TEX48: variants seen among roughly 807,000 people sequenced by gnomAD.
The protein encoded by TEX48 is testis-expressed protein 48.
Under a neutral mutation model 13.2 loss-of-function variants are expected in TEX48, and 10 were observed. That is an observed-to-expected ratio of 0.75 (90% confidence interval 0.47 to 1.28). The LOEUF is 1.28. Among genes scored for constraint, TEX48 ranks in the 50% most tolerant of loss-of-function variants. TEX48 has a pLI of 0.00. For synonymous variants in TEX48, 45 were observed against 52.3 expected (o/e 0.86, Z 0.60); for missense variants, 116 against 139.4 (o/e 0.83, Z 0.84).
chr9:114,678,714 GCACTTGCACT>G (rs11280092), intron 1 of TEX48, among the ~76,000 whole-genome samples: 8,783 of 151,880 alleles, frequency 0.058, 467 homozygotes, highest in East Asian at 0.2. Context: ...ATGGTGGTGT[GCACTTGCACT>G]TCCAGTTACT....
intron 1 of TEX48, among the ~76,000 whole-genome samples, chr9:114,678,838 C>CAAAAAAAAA (rs34355690): frequency 1.4e-5 from 1 of 70,776 alleles, no homozygotes. Flanking sequence ...GATCCTGACT[C>CAAAAAAAAA]AAAAAAAAAA....
chr9:114,669,305 A>C (rs546528743), intron 3 of TEX48, among the ~76,000 whole-genome samples: 2 of 151,930 alleles, frequency 1.3e-5, no homozygotes, highest in Admixed American at 1.3e-4. Flanking sequence ...TTTTGAGAGA[A>C]TCTCACTCTG....
intron 1 of TEX48, among the ~76,000 whole-genome samples, chr9:114,678,317 A>G (rs991198199): frequency 6.6e-6 from 1 of 152,174 alleles, no homozygotes; most frequent in African/African-American, 2.4e-5. Context: ...TTTTTCAGGG[A>G]GCATTTTTCT....
At chr9:114,668,574 C>T (rs1827884348) in intron 3 of TEX48, among the ~76,000 whole-genome samples, 1 of 152,104 alleles carries the variant, frequency 6.6e-6, no homozygotes, top group Non-Finnish European at 1.5e-5. Context: ...TTATGGGCTA[C>T]ATATGAAATT....
intron 1 of TEX48, among the ~76,000 whole-genome samples, chr9:114,679,803 C>CAAA (rs2133768912): frequency 6.6e-6 from 1 of 152,158 alleles, no homozygotes; most frequent in Admixed American, 6.5e-5. Context: ...TGCCTTTTTT[C>CAAA]CCCTCACCTT....
intron 1 of TEX48, among the ~76,000 whole-genome samples, chr9:114,678,980 T>C (rs915279270): frequency 6.6e-6 from 1 of 150,684 alleles, no homozygotes; most frequent in African/African-American, 2.4e-5. Context: ...GTAAGAAAAA[T>C]AGGAAGTATG....
intron 1 of TEX48, among the ~76,000 whole-genome samples, chr9:114,676,837 C>T (rs1589379807): frequency 6.6e-6 from 1 of 152,122 alleles, no homozygotes; most frequent in African/African-American, 2.4e-5. Flanking sequence ...AGGATGGTCT[C>T]GATCTCCTGA....
At chr9:114,680,477 A>T (rs956355110) in intron 1 of TEX48, among the ~76,000 whole-genome samples, 1 of 152,192 alleles carries the variant, frequency 6.6e-6, no homozygotes, top group Non-Finnish European at 1.5e-5. Flanking sequence ...AGAGAGCTGA[A>T]TGCTTTTATG....
intron 1 of TEX48, among the ~76,000 whole-genome samples, chr9:114,680,285 G>A (rs1412778863): frequency 6.6e-6 from 1 of 151,968 alleles, no homozygotes; most frequent in Non-Finnish European, 1.5e-5. Flanking sequence ...GCACCACCAC[G>A]CATGGCTAAT....
intron 1 of TEX48, 126 bp from the exon 2 acceptor site, chr9:114,671,953 A>G: frequency 3.4e-6 from 2 of 582,072 alleles, no homozygotes; most frequent in South Asian, 2.0e-5. Flanking sequence ...CTCAGGTTTC[A>G]GATAGCTCTG....
chr9:114,668,429 C>G, intron 3 of TEX48, 92 bp from the exon 4 acceptor site: 1 of 1,168,572 alleles, frequency 8.6e-7, no homozygotes, highest in Non-Finnish European at 1.2e-6. Context: ...GCAGCGCACA[C>G]AGGCAAGTGG....
intron 2 of TEX48, 92 bp downstream of exon 2, chr9:114,671,628 C>T (rs1827949379): frequency 1.4e-5 from 22 of 1,528,010 alleles, no homozygotes; most frequent in Non-Finnish European, 1.9e-5. Flanking sequence ...ATATAATACT[C>T]CTCCCCTCTC....
intron 1 of TEX48, among the ~76,000 whole-genome samples, chr9:114,675,548 TC>T (rs2133764407): frequency 6.6e-6 from 1 of 152,334 alleles, no homozygotes; most frequent in Admixed American, 6.5e-5. Context: ...GCCCAGCCAA[TC>T]CTTTGCCATT....
intron 3 of TEX48, 143 bp from the exon 4 acceptor site, chr9:114,668,480 C>T: frequency 1.5e-6 from 1 of 670,418 alleles, no homozygotes; most frequent in Non-Finnish European, 2.6e-6. Flanking sequence ...ACTACCACCT[C>T]CTGTCCTCTG....
At chr9:114,680,213 C>T (rs56280523) in intron 1 of TEX48, among the ~76,000 whole-genome samples, 1,542 of 148,728 alleles carry the variant, frequency 0.01, 18 homozygotes, top group African/African-American at 0.028. Context: ...CTGCAACCTC[C>T]GCCTCCTGGG....
chr9:114,668,636 C>T (rs1172214977), intron 3 of TEX48, among the ~76,000 whole-genome samples: 1 of 152,040 alleles, frequency 6.6e-6, no homozygotes, highest in Non-Finnish European at 1.5e-5. Context: ...AGTATGTATT[C>T]TTTTTAAAAC....
At chr9:114,676,186 CAG>C (rs1828058984) in intron 1 of TEX48, among the ~76,000 whole-genome samples, 2 of 152,060 alleles carry the variant, frequency 1.3e-5, no homozygotes, top group Non-Finnish European at 2.9e-5. Context: ...TTTTTTGAGA[CAG>C]GGTCTCACTC....
chr9:114,677,912 TG>T (rs1221394629), intron 1 of TEX48, among the ~76,000 whole-genome samples: 1 of 152,102 alleles, frequency 6.6e-6, no homozygotes, highest in Non-Finnish European at 1.5e-5. Context: ...CTGCTTGTCG[TG>T]GTCTCATCTG....
In TEX48 at chr9:114,666,662, C is replaced by A. The variant is rs1827847614; in HGVS notation, c.344G>T (p.Cys115Phe). 6.5e-7 allele frequency: 1 copy of A among 1,533,736 alleles called. No homozygotes were observed. The highest frequency in any genetic ancestry group is 8.7e-7 in the Non-Finnish European group (1 of 1,145,802). Residue 115 changes from cysteine to phenylalanine, a missense_variant, in exon 5 of 5, where the codon TGC becomes TTC. Coordinates refer to ENST00000436752, the MANE Select transcript of TEX48 (RefSeq NM_001199233.2). ...GAATGCTCAGGGCCTCCCAGTGAGG[C>A]ATGGCTGGAATGGCCAGTGCTCCTG... ...YCQEHWPFQP[C>F]LTGRP
Sources: allele counts gnomAD v4.1 joint callset (sites outside exome capture counted in the v4.1 genomes callset), GRCh38; gene constraint gnomAD v4.1.1; transcripts MANE v1.5; gene names NCBI Gene and HGNC (gene_info 2026-07-23, HGNC 2026-07-21).